Variants in PARD3B observed in about 807,000 individuals in gnomAD.
PARD3B encodes the protein par-3 family cell polarity regulator beta.
PARD3B carries 103 observed loss-of-function variants against 130.2 expected under a neutral mutation model. The observed-to-expected ratio is 0.79, with a 90% CI of 0.67 to 0.93. PARD3B has a LOEUF of 0.93. PARD3B is among the 40% of genes least tolerant of loss of function. PARD3B has a pLI of 0.00. For synonymous variants in PARD3B, 583 were observed against 553.2 expected (o/e 1.05, Z -0.76); for missense variants, 1,609 against 1,499.2 (o/e 1.07, Z -1.21).
chr2:205,502,038 C>G (rs139836327), intron 21 of PARD3B, among the ~76,000 whole-genome samples: 1 of 152,214 alleles, frequency 6.6e-6, no homozygotes, highest in East Asian at 1.9e-4. Context: ...CCGTAAAACA[C>G]GAGTGTTCTT....
intron 20 of PARD3B, among the ~76,000 whole-genome samples, chr2:205,447,666 C>T (rs1438299377): frequency 1.1e-4 from 17 of 152,174 alleles, no homozygotes; most frequent in African/African-American, 3.1e-4. Context: ...CGTGAGCCAC[C>T]GCACCCGGCT....
chr2:205,580,279 T>C (rs182488699), intron 22 of PARD3B, among the ~76,000 whole-genome samples: 1 of 152,334 alleles, frequency 6.6e-6, no homozygotes, highest in African/African-American at 2.4e-5. Flanking sequence ...TAAATTTAGG[T>C]CTTTTTTCAA....
chr2:204,592,645 A>G (rs995999736), intron 1 of PARD3B, among the ~76,000 whole-genome samples: 1 of 152,208 alleles, frequency 6.6e-6, no homozygotes, highest in African/African-American at 2.4e-5. Flanking sequence ...TAAACAATTC[A>G]CCCATTAAAA....
chr2:204,806,882 A>G (rs1012573150), intron 2 of PARD3B, among the ~76,000 whole-genome samples: 1 of 152,198 alleles, frequency 6.6e-6, no homozygotes, highest in Admixed American at 6.6e-5. Context: ...ACAGCTATGT[A>G]AAAATGTGCT....
At chr2:205,417,832 T>G (rs986006141) in intron 19 of PARD3B, among the ~76,000 whole-genome samples, 2 of 152,202 alleles carry the variant, frequency 1.3e-5, no homozygotes, top group African/African-American at 4.8e-5. Flanking sequence ...TGGGGCCTCC[T>G]CTGGAAGCTG....
At chr2:204,547,894 T>C (rs1400837243) in intron 1 of PARD3B, among the ~76,000 whole-genome samples, 1 of 152,192 alleles carries the variant, frequency 6.6e-6, no homozygotes, top group Non-Finnish European at 1.5e-5. Flanking sequence ...TAACTTATAA[T>C]ATCACAGAAC....
intron 16 of PARD3B, among the ~76,000 whole-genome samples, chr2:205,262,899 G>C (rs973234558): frequency 3.7e-4 from 56 of 152,042 alleles, no homozygotes; most frequent in African/African-American, 1.4e-3. Flanking sequence ...TTCTGGATAT[G>C]AATACATATT....
At chr2:205,092,866 T>G (rs1702191923) in intron 4 of PARD3B, among the ~76,000 whole-genome samples, 2 of 152,194 alleles carry the variant, frequency 1.3e-5, no homozygotes, top group Admixed American at 1.3e-4. Context: ...TGATTTTAAA[T>G]ATTGGTTTAA....
intron 16 of PARD3B, among the ~76,000 whole-genome samples, chr2:205,266,995 A>G (rs530148663): frequency 2.0e-5 from 3 of 152,188 alleles, no homozygotes; most frequent in African/African-American, 4.8e-5. Context: ...GAAGAAGACA[A>G]TAAAAGAAAA....
At chr2:204,926,401 C>A (rs964447358) in intron 2 of PARD3B, among the ~76,000 whole-genome samples, 3 of 152,012 alleles carry the variant, frequency 2.0e-5, no homozygotes, top group African/African-American at 7.2e-5. Flanking sequence ...CTTCTTTTCT[C>A]CTAAAGAAGT....
chr2:204,963,399 A>G (rs1361811985), intron 2 of PARD3B, among the ~76,000 whole-genome samples: 2 of 152,132 alleles, frequency 1.3e-5, no homozygotes, highest in African/African-American at 2.4e-5. Flanking sequence ...CATGGGTTAT[A>G]CTGAGTTAAG....
intron 18 of PARD3B, among the ~76,000 whole-genome samples, chr2:205,392,995 T>G (rs2045909458): frequency 6.6e-6 from 1 of 152,194 alleles, no homozygotes; most frequent in African/African-American, 2.4e-5. Flanking sequence ...TTGGTCAATT[T>G]TCACTGAATT....
rs1399041775 is a variant in PARD3B at position 204,844,797 on chromosome 2, A to T, written c.223-120355A>T. ...TGTATTTTTCCAATAAGAACTTGAA[A>T]AAGTTGTACGTTTTATTTTATTTGA... is the stretch of plus-strand genomic sequence containing the variant. On this transcript the variant is annotated intron_variant, in intron 2 of 22. Coordinates refer to ENST00000406610, the MANE Select transcript of PARD3B (RefSeq NM_001302769.2). Among the ~76,000 whole-genome samples the T allele has an allele frequency of 9.8e-5, 15 of 152,286 alleles. No individual in the cohort carries two copies. The East Asian group carries it at 1.5e-3, about 16-fold the overall frequency.
intron 3 of PARD3B, among the ~76,000 whole-genome samples, chr2:204,981,946 T>C (rs1692700010): frequency 6.6e-6 from 1 of 152,002 alleles, no homozygotes; most frequent in East Asian, 1.9e-4. Flanking sequence ...CAATGCTATT[T>C]AAAGTTCAAA....
chr2:205,084,147 A>G (rs1486902295), intron 4 of PARD3B, among the ~76,000 whole-genome samples: 1 of 152,128 alleles, frequency 6.6e-6, no homozygotes, highest in East Asian at 1.9e-4. Flanking sequence ...AAATGCACCT[A>G]CACGTTGCTT....
At position 205,315,330 on chromosome 2, in the gene PARD3B, G is replaced by C. The variant is rs562513640; in HGVS notation, c.2630+13629G>C. Among the ~76,000 whole-genome samples the C allele has an allele frequency of 2.0e-5, 3 of 152,158 alleles. No individual in the cohort carries two copies. In the South Asian group the frequency reaches 6.2e-4, roughly 32 times the overall value. ...AGCATCTACCTAATAGAGTGGCCCC[G>C]AGACTAAACGAGATAATAGATGATA... On this transcript the variant is annotated intron_variant, in intron 18 of 22. Coordinates refer to ENST00000406610, the MANE Select transcript of PARD3B (RefSeq NM_001302769.2).
intron 2 of PARD3B, among the ~76,000 whole-genome samples, chr2:204,904,674 CT>C (rs67278658): frequency 0.12 from 17,082 of 147,464 alleles, 1,840 homozygotes; most frequent in African/African-American, 0.29. Context: ...AATTTCAATG[CT>C]TTTTTTTTTA....
intron 2 of PARD3B, among the ~76,000 whole-genome samples, chr2:204,735,219 A>G (rs2039692862): frequency 6.6e-6 from 1 of 152,042 alleles, no homozygotes; most frequent in African/African-American, 2.4e-5. Flanking sequence ...CATCATTTCC[A>G]TCAAAACTCA....
intron 2 of PARD3B, among the ~76,000 whole-genome samples, chr2:204,860,877 G>A (rs933861611): frequency 2.0e-5 from 3 of 152,140 alleles, no homozygotes; most frequent in African/African-American, 7.2e-5. Context: ...CTTCATATGT[G>A]CAGATTAGCA....
Sources: allele counts gnomAD v4.1 joint callset (sites outside exome capture counted in the v4.1 genomes callset), GRCh38; gene constraint gnomAD v4.1.1; transcripts MANE v1.5; gene names NCBI Gene and HGNC (gene_info 2026-07-23, HGNC 2026-07-21).